The following AGL variants were observed in gnomAD, a reference collection of about 807,000 sequenced individuals.
The protein encoded by AGL is glycogen debranching enzyme.
AGL carries 128 observed loss-of-function variants against 199.3 expected under a neutral mutation model. The observed-to-expected ratio is 0.64, with a 90% CI of 0.56 to 0.74. The LOEUF (loss-of-function observed/expected upper bound fraction) is 0.74. Ranked by LOEUF, AGL falls within the 30% of genes least tolerant of loss-of-function variation. The probability of loss-of-function intolerance (pLI) is 0.00; values close to 1 mark genes in which losing one functional copy is unlikely to be tolerated. For missense variants in AGL, 1,809 were observed against 1,820.8 expected, an observed-to-expected ratio of 0.99 and a Z score of 0.12; for synonymous variants, 584 against 594.7, an observed-to-expected ratio of 0.98 and a Z score of 0.26.
In AGL at chr1:99,922,913, C is replaced by T. The variant is rs370313322; in HGVS notation, c.*1262C>T. On this transcript the variant is annotated 3_prime_UTR_variant, in exon 34 of 34. Coordinates refer to ENST00000361915, the MANE Select transcript of AGL (RefSeq NM_000642.3). ...ATTTTTTTAGTTAGTTTACAGGTTA[C>T]ATACCCAAAACCTTAACTATGACTA... The T allele has an allele frequency of 6.6e-6, 1 of 151,906 alleles. No individual in the cohort carries two copies. Among genetic ancestry groups the T allele is most frequent in the Non-Finnish European group, 1.5e-5 (1 of 67,900 alleles). The allele number at this position is 151,906 out of a possible 1,614,324, so 9.4% of individuals were successfully genotyped here.
rs917802316 is a variant in AGL, at chr1:99,921,951, A to G, written c.*300A>G. The G allele has an allele frequency of 1.2e-4, 26 of 217,782 alleles. No homozygotes were observed. The highest frequency in any genetic ancestry group is 2.2e-4 in the Non-Finnish European group (24 of 109,866). The allele number at this position is 217,782 out of a possible 1,614,324, so 13.5% of individuals were successfully genotyped here. On this transcript the variant is annotated 3_prime_UTR_variant, in exon 34 of 34. Coordinates refer to ENST00000361915, the MANE Select transcript of AGL (RefSeq NM_000642.3). ...AAATCATGTCATCTTCTATTTGTAC[A>G]GAAATGAAAATAAAATATGAAAATA...
intron 27 of AGL, among the ~76,000 whole-genome samples, chr1:99,904,780 C>G (rs140789052): frequency 0.013 from 1,929 of 152,268 alleles, 24 homozygotes; most frequent in Middle Eastern, 0.089. Flanking sequence ...CAAGTTGTTG[C>G]ATTTATCAAT....
intron 27 of AGL, among the ~76,000 whole-genome samples, chr1:99,903,309 CAGT>C (rs945127244): frequency 6.6e-5 from 10 of 152,198 alleles, no homozygotes; most frequent in African/African-American, 2.4e-4. Context: ...CAACAGGCCC[CAGT>C]ATGTGATATT....
intron 2 of AGL, among the ~76,000 whole-genome samples, chr1:99,858,060 C>A (rs1649719270): frequency 6.6e-6 from 1 of 152,138 alleles, no homozygotes; most frequent in South Asian, 2.1e-4. Context: ...CATTTGTTTG[C>A]AGTATGTTGC....
rs951655355 is a variant in AGL at position 99,863,003 on chromosome 1, G to A, written c.460+580G>A. On this transcript the variant is annotated intron_variant, in intron 4 of 33. Coordinates refer to ENST00000361915, the MANE Select transcript of AGL (RefSeq NM_000642.3). ...CCTGTCACGTAGGCTGCAATGGTGC[G>A]ATCTCAGCTCACTACAACCTCCACC... is the stretch of plus-strand genomic sequence containing the variant. 1.1e-4 allele frequency among the ~76,000 whole-genome samples: 17 copies of A among 151,434 alleles called. No homozygotes were observed. In the South Asian group the frequency reaches 2.5e-3, roughly 22 times the overall value.
chr1:99,850,318 C>G (rs1648846307), upstream of AGL: 2 of 152,706 alleles, frequency 1.3e-5, no homozygotes, highest in East Asian at 1.9e-4. Flanking sequence ...GCAGCCAGCC[C>G]TTCCCCTTCT....
chr1:99,870,761 A>C lies in AGL; in HGVS notation c.850A>C (p.Ile284Leu). 1 of 1,584,396 alleles carries C rather than the reference A, an allele frequency of 6.3e-7. No homozygotes were observed. The highest frequency in any genetic ancestry group is 8.7e-7 in the Non-Finnish European group (1 of 1,153,524). ...LIENDHHMNS[I>L]RKIIWEDIFP... ...TTTAACTATTGACATTTTTCAGTCC[A>C]TCCGAAAAATAATTTGGGAGGATAT... Residue 284 changes from isoleucine (I) to leucine (L), a missense_variant, in exon 7 of 34, where the codon ATC (isoleucine) becomes CTC (leucine). Physicochemically the swap from Ile to Leu is conservative, Grantham distance 5 (BLOSUM62 2). Transcript: ENST00000361915.
At chr1:99,903,589 T>A (rs1318031770) in intron 27 of AGL, among the ~76,000 whole-genome samples, 1 of 152,236 alleles carries the variant, frequency 6.6e-6, no homozygotes, top group Non-Finnish European at 1.5e-5. Flanking sequence ...ACTGCTGCAA[T>A]GAACATACGT....
At position 99,897,986 on chromosome 1, in the gene AGL, T is replaced by G. The variant is rs765059475; in HGVS notation, c.3362+1598T>G. Reference sequence around the variant, plus strand: ...TTTTACATAGAACTGTCTAGATTATTGGTTAGCAAACTGTGGCCTATCACC... The same window carrying G: ...TTTTACATAGAACTGTCTAGATTATGGGTTAGCAAACTGTGGCCTATCACC... On this transcript the variant is annotated intron_variant, in intron 25 of 33. Transcript: ENST00000361915. Among the ~76,000 whole-genome samples, 4 of 152,198 alleles carry G rather than the reference T, an allele frequency of 2.6e-5. No individual in the cohort carries two copies. The East Asian group carries it at 7.7e-4, about 29-fold the overall frequency.
intron 12 of AGL, among the ~76,000 whole-genome samples, chr1:99,879,206 C>T (rs548607755): frequency 1.3e-5 from 2 of 152,220 alleles, no homozygotes; most frequent in African/African-American, 4.8e-5. Context: ...CTAATCTTTC[C>T]AACAGCTAAG....
intron 5 of AGL, among the ~76,000 whole-genome samples, chr1:99,865,185 T>C (rs1316033421): frequency 6.6e-6 from 1 of 151,622 alleles, no homozygotes; most frequent in East Asian, 1.9e-4. Context: ...ATATATAGGG[T>C]TTCATACTAT....
intron 2 of AGL, 81 bp from the exon 3 acceptor site, chr1:99,861,422 A>G (rs534017647): frequency 1.3e-6 from 2 of 1,591,256 alleles, no homozygotes; most frequent in East Asian, 4.5e-5. Flanking sequence ...AGGTTTTTTA[A>G]TACTTTAAAT....
intron 21 of AGL, 55 bp from the exon 22 acceptor site, chr1:99,891,165 T>C: frequency 6.2e-7 from 1 of 1,609,330 alleles, no homozygotes; most frequent in Non-Finnish European, 8.5e-7. Flanking sequence ...CTAGAGGATA[T>C]AGGAACAAAT....
intron 33 of AGL, among the ~76,000 whole-genome samples, chr1:99,920,498 A>G (rs1437119170): frequency 6.6e-6 from 1 of 152,232 alleles, no homozygotes; most frequent in Non-Finnish European, 1.5e-5. Flanking sequence ...AACACATTAC[A>G]GATGCCCAGG....
chr1:99,889,541 A>G (rs572790902), intron 21 of AGL, among the ~76,000 whole-genome samples: 17 of 152,208 alleles, frequency 1.1e-4, no homozygotes, highest in Non-Finnish European at 1.6e-4. Context: ...GATCATGCCA[A>G]TGCCCTCCAG....
Position 99,861,741 on chromosome 1 carries a change from A to G in AGL, c.293+28A>G, listed in dbSNP as rs1025416979. The stretch of plus-strand genomic sequence containing the variant: ...AAGTCAGGTGTTTTGTTTGTGAGAA[A>G]AAAAGTTAATTTGTTCTGTAATTTG... On this transcript the variant is annotated intron_variant, in intron 3 of 33. Coordinates refer to ENST00000361915, the MANE Select transcript of AGL (RefSeq NM_000642.3). The G allele has an allele frequency of 1.9e-6, 3 of 1,609,708 alleles. No individual in the cohort carries two copies. In the South Asian group the frequency reaches 3.3e-5, roughly 18 times the overall value.
In AGL at chr1:99,881,682, T is replaced by C. The variant is rs749372877; in HGVS notation, c.2299T>C (p.Cys767Arg). The C allele has an allele frequency of 6.2e-7, 1 of 1,613,858 alleles. No individual in the cohort carries two copies. Among genetic ancestry groups the C allele is most frequent in the South Asian group, 1.1e-5 (1 of 91,082 alleles). ...SFYSKEVPQM[C>R]IPGKIEEVVL... is the part of the protein sequence containing the mutation. ...TTACAGCAAGGAAGTGCCTCAAATG[T>C]GCATCCCTGGTAATGCAATCTAAAA... Residue 767 changes from cysteine (C) to arginine (R), a missense_variant, in exon 17 of 34, where the codon TGC becomes CGC. Physicochemically the swap from Cys to Arg is radical, Grantham distance 180. Coordinates refer to ENST00000361915, the MANE Select transcript of AGL (RefSeq NM_000642.3).
intron 24 of AGL, 73 bp from the exon 25 acceptor site, chr1:99,896,213 A>G (rs371584301): frequency 5.3e-5 from 68 of 1,276,944 alleles, no homozygotes; most frequent in South Asian, 3.6e-4. Context: ...TAACTGTTCT[A>G]TAGTAATGGA....
intron 24 of AGL, 30 bp downstream of exon 24, chr1:99,892,637 G>A (rs1403508118): frequency 6.2e-7 from 1 of 1,601,460 alleles, no homozygotes; most frequent in African/African-American, 1.3e-5. Context: ...GTTAAAATAT[G>A]TAAATCGATA....
Sources: allele counts gnomAD v4.1 joint callset (sites outside exome capture counted in the v4.1 genomes callset), GRCh38; gene constraint gnomAD v4.1.1; transcripts MANE v1.5; gene names NCBI Gene and HGNC (gene_info 2026-07-23, HGNC 2026-07-21).